Variants in OSBPL5 observed in about 807,000 individuals in gnomAD.
OSBPL5 encodes oxysterol-binding protein-related protein 5.
Under a neutral mutation model 111.2 loss-of-function variants are expected in OSBPL5, and 71 were observed. That is an observed-to-expected ratio of 0.64 (90% CI 0.53 to 0.78). The LOEUF (loss-of-function observed/expected upper bound fraction) is 0.78. OSBPL5 is among the 30% of genes least tolerant of loss of function. OSBPL5 has a pLI of 0.00. For synonymous variants in OSBPL5, 549 were observed against 513.9 expected (o/e 1.07, Z -0.93); for missense variants, 1,210 against 1,189.3 (o/e 1.02, Z -0.26).
chr11:3,138,025 G>A (rs1845997273), intron 1 of OSBPL5, among the ~76,000 whole-genome samples: 1 of 152,212 alleles, frequency 6.6e-6, no homozygotes, highest in East Asian at 1.9e-4. Flanking sequence ...GAGGGGCACA[G>A]GAAGTGGCCT....
rs1857886992 is a variant in OSBPL5 at position 3,110,543 on chromosome 11, G to A, written c.692-2598C>T. 6.6e-6 allele frequency among the ~76,000 whole-genome samples: 1 copy of A among 152,178 alleles called. No individual in the cohort carries two copies. The highest frequency in any genetic ancestry group is 1.5e-5 in the Non-Finnish European group (1 of 68,036). ...AATGTGGATGATAACAGTAGAACCT[G>A]TTGTTTCAATGGTGCCTGGTGTGAA... On this transcript the variant is annotated intron_variant, in intron 7 of 21. Coordinates refer to ENST00000263650, the MANE Select transcript of OSBPL5 (RefSeq NM_020896.4). The surrounding 1 kb of genome is among the most constrained non-coding windows in gnomAD (Gnocchi z 5.3).
chr11:3,116,751 A>T (rs1218502287), intron 7 of OSBPL5, among the ~76,000 whole-genome samples: 1 of 150,390 alleles, frequency 6.6e-6, no homozygotes, highest in East Asian at 2.0e-4. Context: ...GCTACTTGGG[A>T]GGCTGAGGCA....
At chr11:3,139,274 A>T (rs1187130555) in intron 1 of OSBPL5, among the ~76,000 whole-genome samples, 1 of 151,730 alleles carries the variant, frequency 6.6e-6, no homozygotes, top group African/African-American at 2.4e-5. Flanking sequence ...GGAGACCAGG[A>T]GGCTGTGCGG....
chr11:3,144,792 G>A (rs1310056272), intron 1 of OSBPL5, among the ~76,000 whole-genome samples: 2 of 152,232 alleles, frequency 1.3e-5, no homozygotes, highest in African/African-American at 2.4e-5. Context: ...CCACCCTGGC[G>A]GGAGGTCAGG....
At chr11:3,158,436 C>T (rs1419352397) in intron 1 of OSBPL5, among the ~76,000 whole-genome samples, 1 of 152,254 alleles carries the variant, frequency 6.6e-6, no homozygotes, top group Non-Finnish European at 1.5e-5. Flanking sequence ...CTTTTCCGAC[C>T]TGCAGAGAGC....
chr11:3,115,180 G>T (rs2134445021), intron 7 of OSBPL5, among the ~76,000 whole-genome samples: 1 of 152,220 alleles, frequency 6.6e-6, no homozygotes, highest in East Asian at 1.9e-4. Flanking sequence ...TCTATACACT[G>T]CAGAAGGTAT....
intron 10 of OSBPL5, among the ~76,000 whole-genome samples, chr11:3,103,826 CCCT>C (rs1857582244): frequency 1.5e-5 from 1 of 66,046 alleles, no homozygotes; most frequent in Non-Finnish European, 3.7e-5. Flanking sequence ...CTGCGCAGCC[CCCT>C]TCCAGCCTCT....
chr11:3,092,365 G>T lies in OSBPL5; in HGVS notation c.2259+67C>A, dbSNP rs1317381865. On this transcript the variant is annotated intron_variant, in intron 19 of 21. Coordinates refer to ENST00000263650, the MANE Select transcript of OSBPL5 (RefSeq NM_020896.4). The surrounding 1 kb of genome is among the most constrained non-coding windows in gnomAD (Gnocchi z 5.4). ...GGGGAAGGGAGGAGTGAGGTGAGGA[G>T]CGAGGGGTGGTGGTGGCCACACGTG... 6.7e-7 allele frequency: 1 copy of T among 1,490,118 alleles called. No individual in the cohort carries two copies. The highest frequency in any genetic ancestry group is 9.0e-7 in the Non-Finnish European group (1 of 1,115,076). The allele number at this position is 1,490,118 out of a possible 1,614,324, so 92.3% of individuals were successfully genotyped here.
At chr11:3,133,419 T>C (rs1845865227) in intron 1 of OSBPL5, among the ~76,000 whole-genome samples, 1 of 152,240 alleles carries the variant, frequency 6.6e-6, no homozygotes, top group South Asian at 2.1e-4. Context: ...GCCACTGCCC[T>C]GCACTGCCTG....
intron 14 of OSBPL5, among the ~76,000 whole-genome samples, chr11:3,099,873 A>G (rs1404554349): frequency 2.0e-5 from 3 of 152,172 alleles, no homozygotes; most frequent in Non-Finnish European, 4.4e-5. Flanking sequence ...GTTCGAGATC[A>G]GCCTGACCAA....
chr11:3,093,111 T>A, intron 17 of OSBPL5, 59 bp from the exon 18 acceptor site: 1 of 1,437,746 alleles, frequency 7.0e-7, no homozygotes, highest in Non-Finnish European at 9.2e-7. Context: ...CCTAGGCAGC[T>A]AGGAATCAGG....
intron 3 of OSBPL5, among the ~76,000 whole-genome samples, chr11:3,125,683 T>C (rs976213102): frequency 6.6e-6 from 1 of 151,884 alleles, no homozygotes; most frequent in Non-Finnish European, 1.5e-5. Flanking sequence ...CGGGCGCCTG[T>C]AGTCCCAGCT....
In OSBPL5 at chr11:3,133,471, G is replaced by C. The variant is rs553230667; in HGVS notation, c.-21-4302C>G. 1.9e-3 allele frequency among the ~76,000 whole-genome samples: 297 copies of C among 152,360 alleles called. 1 individual carries two copies. Among genetic ancestry groups the C allele is most frequent in the African/African-American group, 6.8e-3 (282 of 41,584 alleles). On this transcript the variant is annotated intron_variant, in intron 1 of 21. Coordinates refer to ENST00000263650, the MANE Select transcript of OSBPL5 (RefSeq NM_020896.4). ...CACGCTCCGGCCACCAAGGACTTCA[G>C]GTGGACCCTTTAGGCCCAGCCCTCA...
At position 3,107,707 on chromosome 11, in the gene OSBPL5, T is replaced by G. The variant is rs1054151082; in HGVS notation, c.866+64A>C. On this transcript the variant is annotated intron_variant, in intron 8 of 21. Transcript: ENST00000263650. This position sits in a 1 kb window ranked among gnomAD's most constrained non-coding sequence, Gnocchi z 6.1. ...CAGTGGCTGGGGCTGTCCTCTCCCC[T>G]CTTCCTCGCCTACAAGGAGACCCCG... 6.3e-7 allele frequency: 1 copy of G among 1,579,712 alleles called. No individual in the cohort carries two copies. The highest frequency in any genetic ancestry group is 8.6e-7 in the Non-Finnish European group (1 of 1,162,888).
chr11:3,136,242 G>T (rs144548215), intron 1 of OSBPL5, among the ~76,000 whole-genome samples: 2 of 152,212 alleles, frequency 1.3e-5, no homozygotes, highest in Non-Finnish European at 2.9e-5. Flanking sequence ...CCCTGCCTCC[G>T]CCAGCTGCCT....
rs1857150186 is a variant in OSBPL5 at position 3,093,772 on chromosome 11, C to T, written c.1783G>A (p.Val595Ile). Residue 595 changes from valine (V) to isoleucine (I), a missense_variant, in exon 16 of 22, where the codon GTC becomes ATC. Transcript: ENST00000263650. ...CAGTGGCCACTGAGGCTCGCCAGGA[C>T]TTCCTCTCCCGACGTGATCTTTCCC... ...ISGKITSGEEVLASLSGHWDR... is the reference protein window; with the variant it reads ...ISGKITSGEEILASLSGHWDR... The T allele has an allele frequency of 6.2e-7, 1 of 1,613,200 alleles. No homozygotes were observed. The highest frequency in any genetic ancestry group is 1.1e-5 in the South Asian group (1 of 91,080).
rs1333280772 is a variant in OSBPL5, at chr11:3,106,204, G to A, written c.1059+1059C>T. Among the ~76,000 whole-genome samples the A allele has an allele frequency of 6.6e-6, 1 of 152,026 alleles. No homozygotes were observed. Among genetic ancestry groups the A allele is most frequent in the South Asian group, 2.1e-4 (1 of 4,828 alleles). On this transcript the variant is annotated intron_variant, in intron 9 of 21. Transcript: ENST00000263650. This position sits in a 1 kb window ranked among gnomAD's most constrained non-coding sequence, Gnocchi z 8.4. The stretch of plus-strand genomic sequence containing the variant: ...CACAAGGATTTCACGGACCACGGAG[G>A]AGCCCCCTCTGTCCCTGTGCAGAGC...
intron 1 of OSBPL5, among the ~76,000 whole-genome samples, chr11:3,160,024 T>A (rs113607852): frequency 2.2e-3 from 334 of 152,266 alleles, no homozygotes; most frequent in African/African-American, 7.8e-3. Flanking sequence ...CATCAATCTC[T>A]TAGGCCCAGC....
intron 1 of OSBPL5, among the ~76,000 whole-genome samples, chr11:3,132,613 T>G (rs956697707): frequency 1.3e-5 from 2 of 151,372 alleles, no homozygotes; most frequent in African/African-American, 4.9e-5. Flanking sequence ...CACTGGCCCC[T>G]TTATGTTCCC....
Sources: gnomAD v4.1 joint callset for allele counts (sites outside exome capture counted in the v4.1 genomes callset) on GRCh38, gnomAD v4.1.1 for gene constraint, Gnocchi (gnomAD v3.1) non-coding constraint, MANE v1.5 for transcripts, NCBI Gene and HGNC (gene_info 2026-07-23, HGNC 2026-07-21) for gene names.